Variants in DLG2 observed in about 807,000 individuals in gnomAD.
DLG2 encodes discs large MAGUK scaffold protein 2, also known as disks large homolog 2.
In DLG2, 45 loss-of-function variants were observed where a neutral mutation model predicts 132.5. That is an observed-to-expected ratio of 0.34 (90% CI 0.27 to 0.44). DLG2 has a LOEUF of 0.44. DLG2 is among the 20% of genes least tolerant of loss of function. The pLI is 1.00. For synonymous variants in DLG2, 424 were observed against 419.6 expected (o/e 1.01, Z -0.13); for missense variants, 1,045 against 1,196.9 (o/e 0.87, Z 1.87).
intron 3 of DLG2, among the ~76,000 whole-genome samples, chr11:85,597,803 T>C (rs902512810): frequency 6.6e-6 from 1 of 151,776 alleles, no homozygotes; most frequent in Admixed American, 6.6e-5. Context: ...GAGACTCAGT[T>C]ATTTCTTTAA....
intron 6 of DLG2, among the ~76,000 whole-genome samples, chr11:85,030,332 A>G (rs919490962): frequency 1.1e-4 from 16 of 152,204 alleles, no homozygotes; most frequent in African/African-American, 3.9e-4. Flanking sequence ...TCTTTTATCC[A>G]GCTGACTCAC....
intron 3 of DLG2, among the ~76,000 whole-genome samples, chr11:85,444,067 C>T (rs1200635741): frequency 6.6e-6 from 1 of 152,122 alleles, no homozygotes; most frequent in East Asian, 1.9e-4. Context: ...TTTTCAAGAA[C>T]ATTATATCCT....
chr11:85,304,744 A>G (rs1398521838), intron 3 of DLG2, among the ~76,000 whole-genome samples: 2 of 152,226 alleles, frequency 1.3e-5, no homozygotes, highest in Non-Finnish European at 2.9e-5. Flanking sequence ...TTGATTAAAC[A>G]GAAAAGGGCA....
chr11:85,480,785 C>A (rs1272996397), intron 3 of DLG2, among the ~76,000 whole-genome samples: 4 of 152,118 alleles, frequency 2.6e-5, no homozygotes, highest in East Asian at 3.9e-4. Flanking sequence ...TATTCTGGAG[C>A]CTTTAAGGTT....
At chr11:85,021,152 G>A (rs540738173) in intron 6 of DLG2, 25 of 841,010 alleles carry the variant, frequency 3.0e-5, no homozygotes, top group African/African-American at 8.3e-5. Flanking sequence ...GAAGATCCCC[G>A]CTGCCCATTC....
chr11:83,750,702 C>A (rs761174853), intron 18 of DLG2, among the ~76,000 whole-genome samples: 11 of 151,872 alleles, frequency 7.2e-5, no homozygotes, highest in Admixed American at 1.3e-4. Context: ...AAACTGAGAG[C>A]CCCAAAAAAG....
At chr11:84,944,446 A>G (rs1460620753) in intron 6 of DLG2, among the ~76,000 whole-genome samples, 2 of 151,854 alleles carry the variant, frequency 1.3e-5, no homozygotes, top group Non-Finnish European at 2.9e-5. Context: ...TCCTCTGGCC[A>G]TATATTTTCA....
rs572075788 is a variant in DLG2, at chr11:84,057,131, C to T, written c.919+2184G>A. Among the ~76,000 whole-genome samples the T allele has an allele frequency of 5.3e-5, 8 of 152,204 alleles. No individual in the cohort carries two copies. In the East Asian group the frequency reaches 5.8e-4, roughly 11 times the overall value. ...TCCCACAGCAATTACTGCCCCACTC[C>T]GGGCTCAAGGAAGAAAGCAGTTCAG... On this transcript the variant is annotated intron_variant, in intron 11 of 27. Coordinates refer to ENST00000376104, the MANE Select transcript of DLG2 (RefSeq NM_001142699.3).
intron 19 of DLG2, among the ~76,000 whole-genome samples, chr11:83,548,205 T>A (rs2096287105): frequency 2.6e-5 from 4 of 152,074 alleles, no homozygotes; most frequent in Admixed American, 2.6e-4. Context: ...ATAATGGTTC[T>A]CCAAAGATGT....
intron 6 of DLG2, among the ~76,000 whole-genome samples, chr11:84,674,645 C>T (rs865949090): frequency 6.6e-6 from 1 of 152,102 alleles, no homozygotes; most frequent in African/African-American, 2.4e-5. Flanking sequence ...GTTGAGTATA[C>T]AAGATTATTA....
At chr11:85,426,962 G>A (rs951485424) in intron 3 of DLG2, among the ~76,000 whole-genome samples, 1 of 152,146 alleles carries the variant, frequency 6.6e-6, no homozygotes, top group Admixed American at 6.6e-5. Flanking sequence ...ACCAAGGCAC[G>A]AGAAATACGT....
chr11:84,624,828 T>C (rs976151750), intron 6 of DLG2, among the ~76,000 whole-genome samples: 3 of 146,670 alleles, frequency 2.0e-5, no homozygotes, highest in African/African-American at 7.7e-5. Flanking sequence ...GACTCTCTTC[T>C]GAGAGTTACC....
At chr11:83,997,517 T>C (rs2094106970) in intron 11 of DLG2, among the ~76,000 whole-genome samples, 2 of 151,860 alleles carry the variant, frequency 1.3e-5, no homozygotes, top group South Asian at 2.1e-4. Flanking sequence ...GGCAGATCAC[T>C]TGGGGTCAGG....
chr11:84,112,539 T>TTTTA (rs142281526), intron 9 of DLG2, among the ~76,000 whole-genome samples: 12,613 of 151,980 alleles, frequency 0.083, 643 homozygotes, highest in African/African-American at 0.14. Context: ...TTTTTTTTTT[T>TTTTA]AGGCAGATAA....
At chr11:85,423,788 A>T (rs1334544742) in intron 3 of DLG2, among the ~76,000 whole-genome samples, 1 of 152,150 alleles carries the variant, frequency 6.6e-6, no homozygotes, top group Non-Finnish European at 1.5e-5. Flanking sequence ...TGCCCCCACC[A>T]ACAGAACTGA....
intron 7 of DLG2, among the ~76,000 whole-genome samples, chr11:84,506,196 C>T (rs2099240060): frequency 1.3e-5 from 2 of 150,720 alleles, no homozygotes. Flanking sequence ...CTGCCTCAGC[C>T]TCCCAAGTAG....
At chr11:83,746,357 G>A (rs961788140) in intron 18 of DLG2, among the ~76,000 whole-genome samples, 2 of 152,184 alleles carry the variant, frequency 1.3e-5, no homozygotes, top group African/African-American at 4.8e-5. Flanking sequence ...ACTGGATTAG[G>A]AAAATGTGGC....
rs139202960 is a variant in DLG2 at position 84,734,118 on chromosome 11, C to T, written c.358-199387G>A. On this transcript the variant is annotated intron_variant, in intron 6 of 27. Transcript: ENST00000376104. ...TTGGCTTAGGATTGATTTGGCAATG[C>T]GGGCTCTTTTTTGGTTCCATATGAA... Among the ~76,000 whole-genome samples the T allele has an allele frequency of 1.2e-3, 177 of 152,222 alleles. No homozygotes were observed. In the East Asian group the frequency reaches 0.028, roughly 24 times the overall value.
At chr11:85,496,606 G>C (rs995402826) in intron 3 of DLG2, among the ~76,000 whole-genome samples, 1 of 152,188 alleles carries the variant, frequency 6.6e-6, no homozygotes, top group Admixed American at 6.5e-5. Context: ...ATAACAGACA[G>C]ACTGCTTCCT....
Sources: gnomAD v4.1 joint callset for allele counts (sites outside exome capture counted in the v4.1 genomes callset) on GRCh38, gnomAD v4.1.1 for gene constraint, MANE v1.5 for transcripts, NCBI Gene and HGNC (gene_info 2026-07-23, HGNC 2026-07-21) for gene names.